The following MCC variants were observed in gnomAD, a reference collection of about 807,000 sequenced individuals.
MCC encodes the protein MCC regulator of Wnt signaling pathway, also known as colorectal mutant cancer protein.
Under a neutral mutation model 116.2 loss-of-function variants are expected in MCC, and 90 were observed. The observed-to-expected ratio is 0.77, with a 90% CI of 0.65 to 0.92. The LOEUF is 0.92. MCC is among the 40% of genes least tolerant of loss of function. The pLI is 0.00. For synonymous variants in MCC, 578 were observed against 510.5 expected (o/e 1.13, Z -1.78); for missense variants, 1,516 against 1,312.2 (o/e 1.16, Z -2.40).
At chr5:113,355,920 C>A (rs1768399785) in intron 2 of MCC, among the ~76,000 whole-genome samples, 1 of 152,136 alleles carries the variant, frequency 6.6e-6, no homozygotes, top group Non-Finnish European at 1.5e-5. Context: ...AAGGAAGCTG[C>A]ATGGCATCTG....
rs1270200690 is a variant in MCC at position 113,082,895 on chromosome 5, A to C, written c.1749T>G (p.Ile583Met). ...GTTCTGTTTCCACCTCAAACTCTCT[A>C]ATCTTGCTTTCTGAGATGGCAGATC... ...SHGSAISESK[I>M]REFEVETERL... Residue 583 changes from isoleucine to methionine, a missense_variant, in exon 11 of 19, where the codon ATT becomes ATG. Ile to Met is a conservative substitution (Grantham distance 10). Coordinates refer to ENST00000408903, the MANE Select transcript of MCC (RefSeq NM_001085377.2). 6.2e-7 allele frequency: 1 copy of C among 1,614,068 alleles called. No homozygotes were observed. Among genetic ancestry groups the C allele is most frequent in the Admixed American group, 1.7e-5 (1 of 60,010 alleles).
chr5:113,058,128 A>G (rs1014902320), intron 14 of MCC, among the ~76,000 whole-genome samples: 7 of 152,250 alleles, frequency 4.6e-5, no homozygotes, highest in African/African-American at 1.7e-4. Context: ...CCCACAAGAC[A>G]CTGAGGTATA....
chr5:113,116,857 G>A (rs756413235), intron 6 of MCC, among the ~76,000 whole-genome samples: 15 of 152,212 alleles, frequency 9.9e-5, no homozygotes, highest in Non-Finnish European at 1.8e-4. Flanking sequence ...CCCAGAGAGT[G>A]CTCCAGTGAA....
chr5:113,102,036 T>C (rs1233719018), intron 7 of MCC, 91 bp from the exon 8 acceptor site: 12 of 1,263,452 alleles, frequency 9.5e-6, no homozygotes, highest in East Asian at 2.3e-5. Flanking sequence ...TAAATGTCCA[T>C]AGAGGAGTGT....
intron 8 of MCC, among the ~76,000 whole-genome samples, chr5:113,095,926 C>G (rs1755979056): frequency 6.6e-6 from 1 of 152,140 alleles, no homozygotes; most frequent in African/African-American, 2.4e-5. Context: ...GTAAGTGGCT[C>G]CCTGTGGAAG....
At chr5:113,178,976 C>T (rs187654712) in intron 3 of MCC, among the ~76,000 whole-genome samples, 1 of 152,292 alleles carries the variant, frequency 6.6e-6, no homozygotes, top group East Asian at 1.9e-4. Context: ...GACTTAAATT[C>T]AGCAGAGCTT....
chr5:113,107,208 C>CTTTTTTTT (rs746820475), intron 6 of MCC, among the ~76,000 whole-genome samples: 1 of 125,066 alleles, frequency 8.0e-6, no homozygotes, highest in African/African-American at 3.5e-5. Context: ...GCATGTTTTT[C>CTTTTTTTT]TTTTTTTTTT....
chr5:113,237,343 A>G (rs1764171023), intron 3 of MCC, among the ~76,000 whole-genome samples: 1 of 152,240 alleles, frequency 6.6e-6, no homozygotes, highest in South Asian at 2.1e-4. Context: ...TGAATTTTGT[A>G]GCACAAAAAT....
At chr5:113,084,938 C>T (rs1295992015) in intron 9 of MCC, among the ~76,000 whole-genome samples, 1 of 152,220 alleles carries the variant, frequency 6.6e-6, no homozygotes, top group African/African-American at 2.4e-5. Flanking sequence ...CTCCAGCTGG[C>T]TGATTAATGA....
At chr5:113,074,469 T>G (rs1315978893) in intron 11 of MCC, among the ~76,000 whole-genome samples, 1 of 152,120 alleles carries the variant, frequency 6.6e-6, no homozygotes, top group Non-Finnish European at 1.5e-5. Context: ...AAAATCAGAG[T>G]GCCTCTTCTC....
chr5:113,403,301 T>C (rs909999516), intron 1 of MCC, among the ~76,000 whole-genome samples: 16 of 152,162 alleles, frequency 1.1e-4, no homozygotes, highest in African/African-American at 3.9e-4. Flanking sequence ...GTAAGAACAT[T>C]TAAGTCTATT....
At chr5:113,321,948 C>T (rs1204560042) in intron 3 of MCC, among the ~76,000 whole-genome samples, 2 of 152,226 alleles carry the variant, frequency 1.3e-5, no homozygotes, top group African/African-American at 4.8e-5. Flanking sequence ...TCTCCTGCCT[C>T]AGCCTCCCAA....
chr5:113,026,859 C>G lies in MCC; in HGVS notation c.*443G>C, dbSNP rs183315369. On this transcript the variant is annotated 3_prime_UTR_variant, in exon 19 of 19. Coordinates refer to ENST00000408903, the MANE Select transcript of MCC (RefSeq NM_001085377.2). ...TTAAATGCTGGAGGCACACACAGGT[C>G]TGTTTTCCCATGAAGCAGGAGGAAA... 6.3e-6 allele frequency: 1 copy of G among 157,512 alleles called. No homozygotes were observed. The highest frequency in any genetic ancestry group is 6.4e-5 in the Admixed American group (1 of 15,740). The allele number at this position is 157,512 out of a possible 1,614,324, so 9.8% of individuals were successfully genotyped here.
At position 113,027,191 on chromosome 5, in the gene MCC, C is replaced by G; in HGVS notation, c.*111G>C. 1 of 1,179,600 alleles carries G rather than the reference C, an allele frequency of 8.5e-7. No homozygotes were observed. The highest frequency in any genetic ancestry group is 1.5e-5 in the African/African-American group (1 of 65,242). 73.1% of individuals were successfully genotyped at this position (1,179,600 alleles called of 1,614,324 possible). On this transcript the variant is annotated 3_prime_UTR_variant, in exon 19 of 19. Transcript: ENST00000408903. Reference sequence around the variant, plus strand: ...CTCCATTGTCCAAGTGCCGACCTACCTGCCAGCCTTCCCTTTCCTCCTCCT... The same window carrying G: ...CTCCATTGTCCAAGTGCCGACCTACGTGCCAGCCTTCCCTTTCCTCCTCCT...
chr5:113,466,140 C>T (rs1771897772), intron 1 of MCC, among the ~76,000 whole-genome samples: 1 of 150,348 alleles, frequency 6.7e-6, no homozygotes, highest in South Asian at 2.1e-4. Flanking sequence ...AGGCTGAGAT[C>T]TAGGAGGGTA....
intron 4 of MCC, 87 bp downstream of exon 4, chr5:113,151,222 G>T: frequency 1.3e-6 from 1 of 770,256 alleles, no homozygotes; most frequent in Non-Finnish European, 2.1e-6. Context: ...TTGTTTTGTG[G>T]GAATTTCTGT....
intron 18 of MCC, 129 bp downstream of exon 18, chr5:113,028,805 C>A (rs945061967): frequency 8.9e-7 from 1 of 1,127,940 alleles, no homozygotes; most frequent in Non-Finnish European, 1.2e-6. Flanking sequence ...TAGGGACTCA[C>A]CCACTTTCTA....
intron 3 of MCC, among the ~76,000 whole-genome samples, chr5:113,230,593 G>T (rs78962421): frequency 0.014 from 2,120 of 152,170 alleles, 55 homozygotes; most frequent in African/African-American, 0.049. Flanking sequence ...GATCCAACAA[G>T]AATTAAGGAT....
chr5:113,286,655 T>C (rs1048586869), intron 3 of MCC, among the ~76,000 whole-genome samples: 13 of 152,212 alleles, frequency 8.5e-5, no homozygotes, highest in African/African-American at 2.9e-4. Flanking sequence ...GGCTTTTTTA[T>C]TGCTTATTTA....
Sources: allele counts gnomAD v4.1 joint callset (sites outside exome capture counted in the v4.1 genomes callset), GRCh38; gene constraint gnomAD v4.1.1; transcripts MANE v1.5; gene names NCBI Gene and HGNC (gene_info 2026-07-23, HGNC 2026-07-21).